The following CD274 variants were observed in gnomAD, a reference collection of about 807,000 sequenced individuals.
CD274 encodes CD274 molecule, also known as programmed cell death 1 ligand 1.
In CD274, 8 loss-of-function variants were observed where a neutral mutation model predicts 30.1. The observed-to-expected ratio is 0.27, with a 90% CI of 0.16 to 0.48. CD274 has a LOEUF of 0.48. Among genes scored for constraint, CD274 ranks in the 20% least tolerant of loss-of-function variants. The pLI, the probability that CD274 is intolerant of heterozygous loss-of-function variation, is 0.99. For synonymous variants in CD274, 152 were observed against 124.6 expected (o/e 1.22, Z -1.46); for missense variants, 353 against 346.6 (o/e 1.02, Z -0.15).
intron 3 of CD274, among the ~76,000 whole-genome samples, chr9:5,459,002 A>G (rs1013085994): frequency 1.3e-5 from 2 of 152,188 alleles, no homozygotes; most frequent in Admixed American, 6.5e-5. Flanking sequence ...TGCTTCCAAA[A>G]AAGGTCTCTC....
rs546748860 is a variant in CD274, at chr9:5,469,858, T to A, written c.*1996T>A. 1.3e-5 allele frequency: 3 copies of A among 233,124 alleles called. No individual in the cohort carries two copies. Among genetic ancestry groups the A allele is most frequent in the Admixed American group, 1.1e-4 (2 of 17,806 alleles). 14.4% of individuals were successfully genotyped at this position (233,124 alleles called of 1,614,324 possible). On this transcript the variant is annotated 3_prime_UTR_variant, in exon 7 of 7. Coordinates refer to ENST00000381577, the MANE Select transcript of CD274 (RefSeq NM_014143.4). ...TTATTAACTCTGTATGACAGAATCA[T>A]GTCTGGAACTTTTGTTTTCTGCTTT...
intron 5 of CD274, 47 bp downstream of exon 5, chr9:5,465,653 G>A (rs745892005): frequency 7.0e-6 from 8 of 1,135,768 alleles, no homozygotes; most frequent in Non-Finnish European, 1.1e-5. Flanking sequence ...GTGAGGAAGG[G>A]GTGAGAATTG....
chr9:5,451,008 G>A (rs530759033), intron 1 of CD274, among the ~76,000 whole-genome samples: 1 of 152,296 alleles, frequency 6.6e-6, no homozygotes, highest in East Asian at 1.9e-4. Context: ...CAGCATCTAA[G>A]TAAGTCTCTT....
At chr9:5,466,727 G>C (rs1222929356) in intron 5 of CD274, 43 bp from the exon 6 acceptor site, 3 of 1,438,968 alleles carry the variant, frequency 2.1e-6, no homozygotes, top group African/African-American at 1.4e-5. Flanking sequence ...ATGGGATGTA[G>C]AGCTGTGCTA....
At position 5,468,015 on chromosome 9, in the gene CD274, C is replaced by T. The variant is rs934261006; in HGVS notation, c.*153C>T. The T allele has an allele frequency of 7.4e-6, 5 of 673,106 alleles. No individual in the cohort carries two copies. The highest frequency in any genetic ancestry group is 3.6e-5 in the African/African-American group (2 of 54,840). The allele number at this position is 673,106 out of a possible 1,614,324, so 41.7% of individuals were successfully genotyped here. On this transcript the variant is annotated 3_prime_UTR_variant, in exon 7 of 7. Transcript: ENST00000381577. ...CCCAAGCACTGAAAATGGAACCTGG[C>T]GAAAGCAGAGGAGGAGAATGAAGAA...
chr9:5,469,187 T>C lies in CD274; in HGVS notation c.*1325T>C. On this transcript the variant is annotated 3_prime_UTR_variant, in exon 7 of 7. Coordinates refer to ENST00000381577, the MANE Select transcript of CD274 (RefSeq NM_014143.4). ...ATAACCCTGAAAAATAACACTGGAA[T>C]TCCTTTTCTAGCATTATATTTATTC... is the stretch of plus-strand genomic sequence containing the variant. 4.3e-6 allele frequency: 1 copy of C among 233,048 alleles called. No homozygotes were observed. The highest frequency in any genetic ancestry group is 8.5e-6 in the Non-Finnish European group (1 of 117,906). 14.4% of individuals were successfully genotyped at this position (233,048 alleles called of 1,614,324 possible).
intron 4 of CD274, among the ~76,000 whole-genome samples, chr9:5,463,449 C>T (rs977632325): frequency 6.6e-6 from 1 of 152,172 alleles, no homozygotes; most frequent in East Asian, 1.9e-4. Context: ...GGCAATCCAA[C>T]ACCATGTGGG....
intron 1 of CD274, among the ~76,000 whole-genome samples, chr9:5,451,225 T>C (rs536890610): frequency 1.3e-5 from 2 of 152,356 alleles, no homozygotes; most frequent in East Asian, 1.9e-4. Context: ...ACCATTGTTC[T>C]ACCTCTTTTT....
chr9:5,465,895 C>T (rs369409734), intron 5 of CD274: 14 of 208,264 alleles, frequency 6.7e-5, no homozygotes, highest in South Asian at 2.7e-4. Flanking sequence ...CTAAAATGCC[C>T]GTCATTTTCA....
intron 3 of CD274, among the ~76,000 whole-genome samples, chr9:5,461,494 AC>A (rs1320047201): frequency 2.6e-5 from 4 of 151,984 alleles, no homozygotes; most frequent in Admixed American, 2.6e-4. Flanking sequence ...TCAAAACATC[AC>A]TCATTATTTA....
chr9:5,466,849 T>G lies in CD274; in HGVS notation c.850+20T>G. On this transcript the variant is annotated intron_variant, in intron 6 of 6. Transcript: ENST00000381577. ...AAAGTGGTAAGAATATCAGAAGGAA[T>G]TGGGAAGTAAAAGTCAAAGGAAACA... 6.3e-7 allele frequency: 1 copy of G among 1,587,202 alleles called. No homozygotes were observed. Among genetic ancestry groups the G allele is most frequent in the Non-Finnish European group, 8.6e-7 (1 of 1,160,606 alleles).
Position 5,470,330 on chromosome 9 carries a change from C to A in CD274, c.*2468C>A, listed in dbSNP as rs891489824. 1 of 232,530 alleles carries A rather than the reference C, an allele frequency of 4.3e-6. No homozygotes were observed. Among genetic ancestry groups the A allele is most frequent in the Non-Finnish European group, 8.5e-6 (1 of 117,670 alleles). The allele number at this position is 232,530 out of a possible 1,614,324, so 14.4% of individuals were successfully genotyped here. Reference sequence around the variant, plus strand: ...TACTCAGTCTATTCCTAAGTCCTAACTCCTCCTTGTGGTGTTGGATTTGTA... The same window carrying A: ...TACTCAGTCTATTCCTAAGTCCTAAATCCTCCTTGTGGTGTTGGATTTGTA... On this transcript the variant is annotated 3_prime_UTR_variant, in exon 7 of 7. Coordinates refer to ENST00000381577, the MANE Select transcript of CD274 (RefSeq NM_014143.4).
intron 6 of CD274, among the ~76,000 whole-genome samples, chr9:5,467,463 A>G (rs1819516073): frequency 6.6e-6 from 1 of 152,224 alleles, no homozygotes. Context: ...AAGTTATATT[A>G]AGGTTTCTAA....
Position 5,470,398 on chromosome 9 carries a change from A to C in CD274, c.*2536A>C. On this transcript the variant is annotated 3_prime_UTR_variant, in exon 7 of 7. Coordinates refer to ENST00000381577, the MANE Select transcript of CD274 (RefSeq NM_014143.4). ...TGTCTCATGTTTCATCGTAAATGGC[A>C]TAGGCAGAGATGATACCTAATTCTG... 4.3e-6 allele frequency: 1 copy of C among 231,672 alleles called. No homozygotes were observed. Among genetic ancestry groups the C allele is most frequent in the Non-Finnish European group, 8.5e-6 (1 of 117,060 alleles). 14.4% of individuals were successfully genotyped at this position (231,672 alleles called of 1,614,324 possible).
rs1819526347 is a variant in CD274, at chr9:5,468,024, A to G, written c.*162A>G. The G allele has an allele frequency of 1.5e-6, 1 of 651,802 alleles. No individual in the cohort carries two copies. The highest frequency in any genetic ancestry group is 2.7e-5 in the East Asian group (1 of 36,698). The allele number at this position is 651,802 out of a possible 1,614,324, so 40.4% of individuals were successfully genotyped here. On this transcript the variant is annotated 3_prime_UTR_variant, in exon 7 of 7. Transcript: ENST00000381577. The stretch of plus-strand genomic sequence containing the variant: ...TGAAAATGGAACCTGGCGAAAGCAG[A>G]GGAGGAGAATGAAGAAAGATGGAGT...
intron 4 of CD274, among the ~76,000 whole-genome samples, chr9:5,464,101 G>A (rs765275295): frequency 5.9e-5 from 9 of 152,254 alleles, no homozygotes; most frequent in East Asian, 3.9e-4. Context: ...AATCCAGGAC[G>A]GTGTTGTGAA....
At chr9:5,457,900 C>T (rs1451053639) in intron 3 of CD274, among the ~76,000 whole-genome samples, 1 of 152,026 alleles carries the variant, frequency 6.6e-6, no homozygotes, top group Non-Finnish European at 1.5e-5. Context: ...TTTTGAGCCT[C>T]TCTATATCAA....
intron 3 of CD274, among the ~76,000 whole-genome samples, chr9:5,458,166 T>A (rs542412026): frequency 6.6e-6 from 1 of 152,330 alleles, no homozygotes; most frequent in African/African-American, 2.4e-5. Context: ...GTCACTTGAG[T>A]TCAAAGTTTT....
intron 1 of CD274, among the ~76,000 whole-genome samples, chr9:5,451,360 G>A (rs1358988617): frequency 6.6e-6 from 1 of 152,124 alleles, no homozygotes; most frequent in Admixed American, 6.5e-5. Flanking sequence ...TCACTGTTGG[G>A]TATAAAGGTT....
Sources: gnomAD v4.1 joint callset for allele counts (sites outside exome capture counted in the v4.1 genomes callset) on GRCh38, gnomAD v4.1.1 for gene constraint, MANE v1.5 for transcripts, NCBI Gene and HGNC (gene_info 2026-07-23, HGNC 2026-07-21) for gene names.